Variants in CSMD2 observed in about 807,000 individuals in gnomAD.
CSMD2 encodes CUB and sushi domain-containing protein 2.
CSMD2 carries 130 observed loss-of-function variants against 398.5 expected under a neutral mutation model. The observed-to-expected ratio is 0.33, with a 90% CI of 0.28 to 0.38. The LOEUF is 0.38. Ranked by LOEUF, CSMD2 falls within the 10% of genes least tolerant of loss-of-function variation. The pLI is 1.00. For missense variants in CSMD2, 3,829 were observed against 4,764.9 expected, an observed-to-expected ratio of 0.80 and a Z score of 5.78; for synonymous variants, 1,828 against 1,908.5, an observed-to-expected ratio of 0.96 and a Z score of 1.10.
chr1:33,850,840 C>G (rs888192751), intron 5 of CSMD2, among the ~76,000 whole-genome samples: 1 of 152,020 alleles, frequency 6.6e-6, no homozygotes, highest in East Asian at 1.9e-4. Flanking sequence ...AAAATCACTC[C>G]CTGTAATGCA....
chr1:34,010,277 G>A (rs1207449247), intron 3 of CSMD2, among the ~76,000 whole-genome samples: 4 of 152,116 alleles, frequency 2.6e-5, no homozygotes, highest in Admixed American at 2.6e-4. Context: ...CCCTCTTCCT[G>A]TAAGACTCAG....
In CSMD2 at chr1:33,524,154, A is replaced by G. The variant is rs549090693; in HGVS notation, c.10396+728T>C. On this transcript the variant is annotated intron_variant, in intron 66 of 70. Transcript: ENST00000373381. ...GGAGTCATATTTTAAATACATTATAATGAATGCATTTCCCTCAACACTGGC... is the reference window on the plus strand; with the variant it reads ...GGAGTCATATTTTAAATACATTATAGTGAATGCATTTCCCTCAACACTGGC... Among the ~76,000 whole-genome samples the G allele has an allele frequency of 1.6e-3, 244 of 152,284 alleles. 1 individual carries two copies. The highest frequency in any genetic ancestry group is 5.4e-3 in the African/African-American group (225 of 41,560).
At position 33,716,278 on chromosome 1, in the gene CSMD2, C is replaced by A; in HGVS notation, c.3217+8G>T. On this transcript the variant is annotated splice_region_variant and intron_variant, in intron 20 of 70. Transcript: ENST00000373381. Reference sequence around the variant, plus strand: ...TCTCTTCCCCTCAGGGACCCTCATACTCTTTACCTGAGAAGGTGATGTTGA... The same window carrying A: ...TCTCTTCCCCTCAGGGACCCTCATAATCTTTACCTGAGAAGGTGATGTTGA... 1 of 1,610,054 alleles carries A rather than the reference C, an allele frequency of 6.2e-7. No homozygotes were observed. The highest frequency in any genetic ancestry group is 8.5e-7 in the Non-Finnish European group (1 of 1,176,424).
intron 2 of CSMD2, among the ~76,000 whole-genome samples, chr1:34,081,689 C>T (rs1013637701): frequency 6.6e-6 from 1 of 152,218 alleles, no homozygotes; most frequent in African/African-American, 2.4e-5. Context: ...CGAGGTGCCT[C>T]GCTCACTCAG....
chr1:33,915,200 T>C (rs573307088), intron 5 of CSMD2, among the ~76,000 whole-genome samples: 24 of 152,350 alleles, frequency 1.6e-4, no homozygotes, highest in African/African-American at 5.8e-4. Flanking sequence ...CTGTTGTTTT[T>C]CTATGCCTTG....
At chr1:34,030,026 C>T (rs1359833281) in intron 3 of CSMD2, among the ~76,000 whole-genome samples, 6 of 152,142 alleles carry the variant, frequency 3.9e-5, no homozygotes, top group East Asian at 3.9e-4. Flanking sequence ...TTTGAATCAC[C>T]GGCCTCTTTG....
intron 2 of CSMD2, among the ~76,000 whole-genome samples, chr1:34,045,038 TACAC>T (rs10588687): frequency 0.17 from 24,178 of 142,592 alleles, 2,336 homozygotes; most frequent in East Asian, 0.28. Flanking sequence ...TCACACACCA[TACAC>T]ACACACACAC....
At chr1:33,784,345 G>A (rs1041397740) in intron 12 of CSMD2, among the ~76,000 whole-genome samples, 12 of 151,976 alleles carry the variant, frequency 7.9e-5, no homozygotes, top group South Asian at 2.1e-4. Flanking sequence ...TCGGGGTGCC[G>A]GGGACTCAAC....
chr1:33,813,540 C>T (rs558308312), intron 9 of CSMD2, among the ~76,000 whole-genome samples: 6 of 152,250 alleles, frequency 3.9e-5, no homozygotes, highest in South Asian at 4.2e-4. Flanking sequence ...TCTTCTGGAT[C>T]GCTTTCAGGA....
In CSMD2 at chr1:33,600,949, T is replaced by G. The variant is rs538948989; in HGVS notation, c.6772A>C (p.Thr2258Pro). 1.1e-5 allele frequency: 18 copies of G among 1,613,980 alleles called. No individual in the cohort carries two copies. Among genetic ancestry groups the G allele is most frequent in the Admixed American group, 1.7e-5 (1 of 60,006 alleles). ...ACCTGGTTGGATGAACTCTGCACTG[T>G]TTTCTTGGCCATGCTCCGGGTGAAG... ...GVFTRSMAKK[T>P]VQSSSNQVLL... Residue 2258 changes from threonine to proline, a missense_variant, in exon 44 of 71, where the codon ACA becomes CCA. Coordinates refer to ENST00000373381, the MANE Select transcript of CSMD2 (RefSeq NM_001281956.2).
chr1:34,051,742 T>C (rs1653196069), intron 2 of CSMD2, among the ~76,000 whole-genome samples: 1 of 152,186 alleles, frequency 6.6e-6, no homozygotes, highest in Non-Finnish European at 1.5e-5. Flanking sequence ...TTGTCTTTAT[T>C]TGGCAGTTAA....
intron 28 of CSMD2, among the ~76,000 whole-genome samples, chr1:33,648,151 C>T (rs927905804): frequency 6.6e-5 from 10 of 151,862 alleles, no homozygotes; most frequent in South Asian, 2.1e-4. Flanking sequence ...TCACAAGGTC[C>T]GGAGATCGAG....
intron 5 of CSMD2, among the ~76,000 whole-genome samples, chr1:33,856,581 G>T (rs1639112786): frequency 6.6e-6 from 1 of 152,112 alleles, no homozygotes; most frequent in Admixed American, 6.5e-5. Flanking sequence ...TTGAGGAGCT[G>T]CCCACATCAG....
chr1:33,965,826 A>T lies in CSMD2; in HGVS notation c.518-29872T>A, dbSNP rs116831346. Among the ~76,000 whole-genome samples, 1,497 of 152,346 alleles carry T rather than the reference A, an allele frequency of 9.8e-3. 22 individuals carry two copies. The highest frequency in any genetic ancestry group is 0.035 in the African/African-American group (1,436 of 41,576). ...TGACCTCACAGTTTGTGAACCCAGG[A>T]AGCTGGCCCTGAATGCGGATAGCCA... On this transcript the variant is annotated intron_variant, in intron 3 of 70. Transcript: ENST00000373381.
intron 55 of CSMD2, among the ~76,000 whole-genome samples, chr1:33,553,709 G>A (rs1303796357): frequency 6.6e-6 from 1 of 152,134 alleles, no homozygotes; most frequent in Non-Finnish European, 1.5e-5. Flanking sequence ...AAAAGTTCCT[G>A]CAGGAAATTA....
chr1:34,100,129 C>A (rs1038125527), intron 1 of CSMD2, among the ~76,000 whole-genome samples: 4 of 152,122 alleles, frequency 2.6e-5, no homozygotes, highest in African/African-American at 7.2e-5. Context: ...TGAGATAACA[C>A]CATATGTATA....
Position 33,819,729 on chromosome 1 carries a change from G to A in CSMD2, c.1308C>T (p.His436=). The stretch of plus-strand genomic sequence containing the variant: ...CACCCTCACCTCGGCAGACTGGCCT[G>A]TGGTCGCTCCAGGCCGCAAACATGT... ...VSDMFAAWSD[H]RPVCRARMCD... is the part of the protein sequence containing the mutation. The change falls in exon 9 of 71, where the codon CAC becomes CAT. Residue 436 remains histidine (H), a synonymous_variant. Coordinates refer to ENST00000373381, the MANE Select transcript of CSMD2 (RefSeq NM_001281956.2). 1.2e-6 allele frequency: 2 copies of A among 1,613,622 alleles called. No individual in the cohort carries two copies. Among genetic ancestry groups the A allele is most frequent in the Non-Finnish European group, 1.7e-6 (2 of 1,179,954 alleles).
At chr1:34,156,633 T>C (rs1640830135) in intron 1 of CSMD2, among the ~76,000 whole-genome samples, 1 of 152,228 alleles carries the variant, frequency 6.6e-6, no homozygotes, top group African/African-American at 2.4e-5. Context: ...TTAATTGGTA[T>C]AAATTAGACA....
intron 2 of CSMD2, among the ~76,000 whole-genome samples, chr1:34,047,785 G>A (rs959457049): frequency 6.6e-6 from 1 of 152,148 alleles, no homozygotes; most frequent in African/African-American, 2.4e-5. Context: ...GGTAGGATAC[G>A]GAGGTCATCT....
Sources: gnomAD v4.1 joint callset for allele counts (sites outside exome capture counted in the v4.1 genomes callset) on GRCh38, gnomAD v4.1.1 for gene constraint, MANE v1.5 for transcripts, NCBI Gene and HGNC (gene_info 2026-07-23, HGNC 2026-07-21) for gene names.